The following GPATCH1 variants were observed in gnomAD, a reference collection of about 807,000 sequenced individuals.
GPATCH1 encodes the protein G-patch domain containing 1.
Under a neutral mutation model 114.9 loss-of-function variants are expected in GPATCH1, and 73 were observed. The ratio of observed to expected loss-of-function variants is 0.64; its 90% CI spans 0.53 to 0.77. The LOEUF (loss-of-function observed/expected upper bound fraction) is 0.77, where lower values mean the gene tolerates loss of function less well. Ranked by LOEUF, GPATCH1 falls within the 30% of genes least tolerant of loss-of-function variation. The probability of loss-of-function intolerance (pLI) is 0.00; values close to 1 mark genes in which losing one functional copy is unlikely to be tolerated. For synonymous variants in GPATCH1, 391 were observed against 428.4 expected, an observed-to-expected ratio of 0.91 and a Z score of 1.08; for missense variants, 1,058 against 1,144.3, an observed-to-expected ratio of 0.92 and a Z score of 1.09.
intron 5 of GPATCH1, among the ~76,000 whole-genome samples, chr19:33,094,997 C>T (rs573640461): frequency 6.6e-6 from 1 of 152,098 alleles, no homozygotes; most frequent in African/African-American, 2.4e-5. Flanking sequence ...AACCCTGCCT[C>T]TACCAAATAT....
chr19:33,082,066 A>G (rs12463355), intron 1 of GPATCH1, among the ~76,000 whole-genome samples: 31,644 of 124,918 alleles, frequency 0.25, 7,017 homozygotes, highest in African/African-American at 0.48. Context: ...GATGGGTAAG[A>G]GTGAAGCAGG....
chr19:33,081,383 C>A, intron 1 of GPATCH1, 117 bp downstream of exon 1: 1 of 869,008 alleles, frequency 1.2e-6, no homozygotes, highest in Non-Finnish European at 1.8e-6. Flanking sequence ...GCGCTGGGAA[C>A]ACGGCGACGA....
Position 33,097,818 on chromosome 19 carries a change from A to C in GPATCH1, c.916A>C (p.Lys306Gln), listed in dbSNP as rs1310819506. The stretch of plus-strand genomic sequence containing the variant: ...TATCTATGCCACAGAAACTCTATCC[A>C]AGTATGACACTGTTCTGAAGGACGA... The part of the protein sequence containing the change: ...DDIYATETLS[K>Q]YDTVLKDEEP... Residue 306 changes from lysine (K) to glutamine (Q), a missense_variant, in exon 8 of 20, where the codon AAG (lysine) becomes CAG (glutamine). Lys to Gln is a moderately conservative substitution (Grantham distance 53). Coordinates refer to ENST00000170564, the MANE Select transcript of GPATCH1 (RefSeq NM_018025.3). 5.6e-6 allele frequency: 9 copies of C among 1,613,564 alleles called. No individual in the cohort carries two copies. The highest frequency in any genetic ancestry group is 7.6e-6 in the Non-Finnish European group (9 of 1,179,622).
In GPATCH1 at chr19:33,110,030, C is replaced by T. The variant is rs1568346126; in HGVS notation, c.1585+14C>T. On this transcript the variant is annotated intron_variant, in intron 11 of 19. Transcript: ENST00000170564. Reference sequence around the variant, plus strand: ...AGGGTCAGAAAGGTGGGTGCTGGGCCTGGGTGTCCCAAATCTCGGCCCGGG... The same window carrying T: ...AGGGTCAGAAAGGTGGGTGCTGGGCTTGGGTGTCCCAAATCTCGGCCCGGG... The T allele has an allele frequency of 1.3e-6, 2 of 1,583,160 alleles. No homozygotes were observed. The highest frequency in any genetic ancestry group is 1.9e-4 in the Middle Eastern group (1 of 5,310).
intron 17 of GPATCH1, among the ~76,000 whole-genome samples, chr19:33,123,427 G>GA (rs201988711): frequency 1.3e-4 from 19 of 145,018 alleles, no homozygotes; most frequent in African/African-American, 1.5e-4. Flanking sequence ...AAGAATTTTG[G>GA]AAAAAAAAAA....
rs1237357896 is a variant in GPATCH1 at position 33,130,358 on chromosome 19, G to A, written c.*198G>A. Reference sequence around the variant, plus strand: ...TCTATTTTTAATTTCAGTTAGTATCGGGGGAAAAAAATCCAGACTGAACAG... The same window carrying A: ...TCTATTTTTAATTTCAGTTAGTATCAGGGGAAAAAAATCCAGACTGAACAG... On this transcript the variant is annotated 3_prime_UTR_variant, in exon 20 of 20. Coordinates refer to ENST00000170564, the MANE Select transcript of GPATCH1 (RefSeq NM_018025.3). 1.1e-5 allele frequency: 5 copies of A among 438,810 alleles called. No homozygotes were observed. The highest frequency in any genetic ancestry group is 4.2e-5 in the Admixed American group (1 of 23,692). 27.2% of individuals were successfully genotyped at this position (438,810 alleles called of 1,614,324 possible). A position where few individuals can be genotyped will look rare whatever the true frequency, so the allele number is the denominator to read the frequency against.
Position 33,113,763 on chromosome 19 carries a change from C to A in GPATCH1, c.1893-4C>A, listed in dbSNP as rs749419643. ...ACTAAAATGATTCTTTTTTCAATTC[C>A]CAGTTCAACTTTAGTTGGCTTACCA... On this transcript the variant is annotated splice_polypyrimidine_tract_variant and splice_region_variant and intron_variant, in intron 13 of 19. Coordinates refer to ENST00000170564, the MANE Select transcript of GPATCH1 (RefSeq NM_018025.3). The A allele has an allele frequency of 1.2e-6, 2 of 1,608,738 alleles. No homozygotes were observed. The highest frequency in any genetic ancestry group is 1.7e-6 in the Non-Finnish European group (2 of 1,177,932).
intron 2 of GPATCH1, among the ~76,000 whole-genome samples, chr19:33,089,396 T>TG (rs1972570015): frequency 1.3e-5 from 2 of 152,210 alleles, no homozygotes; most frequent in Non-Finnish European, 2.9e-5. Flanking sequence ...AAATCTTTTA[T>TG]GTTATGTACT....
At chr19:33,125,033 T>C in intron 17 of GPATCH1, 72 bp from the exon 18 acceptor site, 2 of 1,515,036 alleles carry the variant, frequency 1.3e-6, no homozygotes. Context: ...TTCAGCAGTT[T>C]AGGAGCTTAG....
intron 4 of GPATCH1, 151 bp from the exon 5 acceptor site, chr19:33,094,021 A>G: frequency 1.7e-6 from 1 of 605,234 alleles, no homozygotes; most frequent in African/African-American, 1.8e-5. Context: ...TGTGGCTGGA[A>G]TGGCAGGGTC....
At chr19:33,123,854 T>C (rs1268892690) in intron 17 of GPATCH1, among the ~76,000 whole-genome samples, 4 of 151,864 alleles carry the variant, frequency 2.6e-5, no homozygotes, top group African/African-American at 9.7e-5. Flanking sequence ...TTTTTTTTTC[T>C]TTTTTTCTTT....
At chr19:33,120,500 G>A (rs1249693388) in intron 17 of GPATCH1, among the ~76,000 whole-genome samples, 2 of 141,842 alleles carry the variant, frequency 1.4e-5, no homozygotes, top group African/African-American at 5.3e-5. Context: ...CCGAGATCGA[G>A]ATCGCGCCAC....
In GPATCH1 at chr19:33,101,593, C is replaced by T. The variant is rs1253648878; in HGVS notation, c.1080+19C>T. On this transcript the variant is annotated intron_variant, in intron 9 of 19. Coordinates refer to ENST00000170564, the MANE Select transcript of GPATCH1 (RefSeq NM_018025.3). Reference sequence around the variant, plus strand: ...TAAGAAAGTAAGAAAAACTTTTTTTCTTTCTTTTTTTACTGGTTTAGTTCT... The same window carrying T: ...TAAGAAAGTAAGAAAAACTTTTTTTTTTTCTTTTTTTACTGGTTTAGTTCT... The T allele has an allele frequency of 7.6e-7, 1 of 1,320,716 alleles. No homozygotes were observed. Among genetic ancestry groups the T allele is most frequent in the East Asian group, 2.3e-5 (1 of 43,552 alleles). The allele number at this position is 1,320,716 out of a possible 1,614,324, so 81.8% of individuals were successfully genotyped here. A position where few individuals can be genotyped will look rare whatever the true frequency, so the allele number is the denominator to read the frequency against.
chr19:33,124,858 A>G (rs193080298), intron 17 of GPATCH1, among the ~76,000 whole-genome samples: 2 of 152,260 alleles, frequency 1.3e-5, no homozygotes. Context: ...GGGTCACGGC[A>G]GGATACTGAT....
In GPATCH1 at chr19:33,083,902, C is replaced by G. The variant is rs568837594; in HGVS notation, c.73+2636C>G. On this transcript the variant is annotated intron_variant, in intron 1 of 19. Coordinates refer to ENST00000170564, the MANE Select transcript of GPATCH1 (RefSeq NM_018025.3). Reference sequence around the variant, plus strand: ...TCGGCTCACTACAACCTCTGCCTCCCAGGTTCAAGAGATTCTCCAGCCTCA... The same window carrying G: ...TCGGCTCACTACAACCTCTGCCTCCGAGGTTCAAGAGATTCTCCAGCCTCA... 3.0e-3 allele frequency among the ~76,000 whole-genome samples: 455 copies of G among 152,220 alleles called. 3 individuals are homozygous for G. In the South Asian group the frequency reaches 0.031, roughly 10 times the overall value.
intron 10 of GPATCH1, among the ~76,000 whole-genome samples, chr19:33,109,235 G>A (rs572317944): frequency 5.3e-5 from 8 of 152,192 alleles, no homozygotes; most frequent in African/African-American, 1.4e-4. Context: ...CATAGGAATT[G>A]GCCAGGCGTG....
rs761343225 is a variant in GPATCH1, at chr19:33,096,228, C to T, written c.634C>T (p.Pro212Ser). ...GSEGEDDDYL[P>S]DNVTFAPKDV... ...ATAGGGTGAAGATGATGACTACTTGCCTGATAATGTGACCTTTGCACCCAA... is the reference window on the plus strand; with the variant it reads ...ATAGGGTGAAGATGATGACTACTTGTCTGATAATGTGACCTTTGCACCCAA... Residue 212 changes from proline to serine, a missense_variant, in exon 7 of 20, where the codon CCT becomes TCT. Transcript: ENST00000170564. 4.8e-5 allele frequency: 77 copies of T among 1,613,574 alleles called. No individual in the cohort carries two copies. The highest frequency in any genetic ancestry group is 6.4e-5 in the Non-Finnish European group (76 of 1,179,666).
In GPATCH1 at chr19:33,112,629, C is replaced by G; in HGVS notation, c.1892+16C>G. The G allele has an allele frequency of 6.2e-7, 1 of 1,604,196 alleles. No individual in the cohort carries two copies. The highest frequency in any genetic ancestry group is 8.5e-7 in the Non-Finnish European group (1 of 1,171,842). ...CTTATCCAGAGTAAGTTGGATAAAC[C>G]TTTACATCAGTACAAAATGTATTCT... is the stretch of plus-strand genomic sequence containing the variant. On this transcript the variant is annotated intron_variant, in intron 13 of 19. Coordinates refer to ENST00000170564, the MANE Select transcript of GPATCH1 (RefSeq NM_018025.3).
At chr19:33,095,591 G>A (rs1285227225) in intron 5 of GPATCH1, among the ~76,000 whole-genome samples, 171 bp from the exon 6 acceptor site, 4 of 151,434 alleles carry the variant, frequency 2.6e-5, no homozygotes, top group East Asian at 2.0e-4. Context: ...TTGTGGAGGC[G>A]GAATCTCACT....
Sources: allele counts gnomAD v4.1 joint callset (sites outside exome capture counted in the v4.1 genomes callset), GRCh38; gene constraint gnomAD v4.1.1; transcripts MANE v1.5; gene names NCBI Gene and HGNC (gene_info 2026-07-23, HGNC 2026-07-21).